FOXP1: variants seen among roughly 807,000 people sequenced by gnomAD.
FOXP1 encodes forkhead box P1, also known as forkhead box protein P1.
Under a neutral mutation model 98.2 loss-of-function variants are expected in FOXP1, and 15 were observed. The observed-to-expected ratio is 0.15, with a 90% confidence interval of 0.10 to 0.24. FOXP1 has a LOEUF of 0.24. Among genes scored for constraint, FOXP1 ranks in the 10% least tolerant of loss-of-function variants. FOXP1 has a pLI of 1.00. For missense variants in FOXP1, 633 were observed against 848.5 expected, an observed-to-expected ratio of 0.75 and a Z score of 3.15; for synonymous variants, 371 against 314.5, an observed-to-expected ratio of 1.18 and a Z score of -1.90.
chr3:71,248,568 C>G (rs1277035058), intron 5 of FOXP1, among the ~76,000 whole-genome samples: 1 of 152,042 alleles, frequency 6.6e-6, no homozygotes, highest in Non-Finnish European at 1.5e-5. Flanking sequence ...TGGTGAAACC[C>G]TGTCTCTACT....
chr3:71,210,247 G>A (rs1176713526), intron 5 of FOXP1, among the ~76,000 whole-genome samples: 2 of 152,006 alleles, frequency 1.3e-5, no homozygotes, highest in African/African-American at 4.8e-5. Context: ...TTGTTTCCAG[G>A]CCTTGCTTGA....
intron 7 of FOXP1, among the ~76,000 whole-genome samples, chr3:71,055,953 T>TTG (rs1266469529): frequency 1.3e-5 from 2 of 152,176 alleles, no homozygotes; most frequent in African/African-American, 4.8e-5. Flanking sequence ...AACATGAACT[T>TTG]AACAGAGTTA....
chr3:70,980,755 A>G (rs2038688784), intron 14 of FOXP1, among the ~76,000 whole-genome samples: 1 of 152,220 alleles, frequency 6.6e-6, no homozygotes, highest in Non-Finnish European at 1.5e-5. Context: ...TACTCCTACA[A>G]TGACAAAAAC....
At chr3:71,368,049 C>G (rs17717911) in intron 3 of FOXP1, among the ~76,000 whole-genome samples, 3 of 152,234 alleles carry the variant, frequency 2.0e-5, no homozygotes, top group African/African-American at 7.2e-5. Context: ...GCTGGACCCT[C>G]GACAAATTAC....
rs764369417 is a variant in FOXP1, at chr3:71,046,935, C to G, written c.664+7G>C. The G allele has an allele frequency of 6.2e-7, 1 of 1,613,862 alleles. No homozygotes were observed. The highest frequency in any genetic ancestry group is 1.7e-5 in the Admixed American group (1 of 59,990). ...AGAGCTATGCCTTCTGTAAAATCAA[C>G]GCATACCTTGAGCAAGAGGTTGAAG... On this transcript the variant is annotated splice_region_variant and intron_variant, in intron 10 of 20. Transcript: ENST00000649528.
intron 3 of FOXP1, among the ~76,000 whole-genome samples, chr3:71,396,993 T>TATAC (rs1269553423): frequency 5.7e-5 from 3 of 52,480 alleles, no homozygotes; most frequent in African/African-American, 1.9e-4. Flanking sequence ...TGTATATATA[T>TATAC]ACACATATAT....
At chr3:71,146,682 A>G (rs2060323786) in intron 6 of FOXP1, among the ~76,000 whole-genome samples, 1 of 150,376 alleles carries the variant, frequency 6.6e-6, no homozygotes, top group Admixed American at 6.6e-5. Context: ...AAATTCAGAT[A>G]CTTTTGAGTT....
chr3:71,293,486 A>G (rs2072976263), intron 5 of FOXP1, among the ~76,000 whole-genome samples: 1 of 152,106 alleles, frequency 6.6e-6, no homozygotes, highest in South Asian at 2.1e-4. Flanking sequence ...TCTTAAAAAA[A>G]AAAAAAAGAT....
chr3:71,365,772 C>T (rs2078882635), intron 3 of FOXP1, among the ~76,000 whole-genome samples: 1 of 152,180 alleles, frequency 6.6e-6, no homozygotes, highest in South Asian at 2.1e-4. Flanking sequence ...ATCACGAGGT[C>T]AAGAGATGGA....
intron 6 of FOXP1, among the ~76,000 whole-genome samples, chr3:71,152,608 T>A (rs13071208): frequency 6.6e-5 from 10 of 151,974 alleles, no homozygotes; most frequent in Non-Finnish European, 1.0e-4. Context: ...GACCTGCTCC[T>A]GTGCCCTAGG....
chr3:70,983,234 C>T (rs1002144623), intron 14 of FOXP1, among the ~76,000 whole-genome samples: 1 of 151,292 alleles, frequency 6.6e-6, no homozygotes, highest in African/African-American at 2.4e-5. Context: ...GGTGGTGGTA[C>T]TGGCAGGGAT....
At chr3:70,985,519 A>T (rs1388852119) in intron 14 of FOXP1, among the ~76,000 whole-genome samples, 2 of 152,122 alleles carry the variant, frequency 1.3e-5, no homozygotes, top group Non-Finnish European at 2.9e-5. Flanking sequence ...CTTTAATAAA[A>T]TTTTCTATTT....
intron 3 of FOXP1, among the ~76,000 whole-genome samples, chr3:71,428,500 T>C (rs922994620): frequency 1.3e-5 from 2 of 152,224 alleles, no homozygotes; most frequent in African/African-American, 4.8e-5. Flanking sequence ...CCCTTCGGGT[T>C]TGGAAAGCAA....
chr3:70,956,732 GTTTTTTTTTTTTTTTTTTTTTTTTTTT>G lies in FOXP1; in HGVS notation c.*2488_*2514del, dbSNP rs142956636. 3.4e-4 allele frequency: 11 copies of G among 32,814 alleles called. No individual in the cohort carries two copies. The highest frequency in any genetic ancestry group is 4.3e-4 in the Non-Finnish European group (7 of 16,446). 2.0% of individuals were successfully genotyped at this position (32,814 alleles called of 1,614,324 possible). ...GCACATCATGAAGCTGCCTGGAAAA[GTTTTTTTTTTTTTTTTTTTTTTTTTTT>G]TTTTTTTTTTTTTTAAAGTCTTGCG... is the stretch of plus-strand genomic sequence containing the variant. On this transcript the variant is annotated 3_prime_UTR_variant, in exon 21 of 21. Transcript: ENST00000649528.
intron 6 of FOXP1, among the ~76,000 whole-genome samples, chr3:71,150,547 G>A (rs190217201): frequency 3.9e-5 from 6 of 152,054 alleles, no homozygotes; most frequent in Admixed American, 3.9e-4. Flanking sequence ...TTTGATCTCT[G>A]TGAGTGAAAA....
At chr3:71,413,955 G>C (rs1273346212) in intron 3 of FOXP1, among the ~76,000 whole-genome samples, 1 of 152,012 alleles carries the variant, frequency 6.6e-6, no homozygotes, top group South Asian at 2.1e-4. Context: ...CCAAGGATGA[G>C]GGGAGGAATG....
intron 7 of FOXP1, among the ~76,000 whole-genome samples, chr3:71,071,174 G>T (rs958733107): frequency 6.6e-6 from 1 of 152,156 alleles, no homozygotes; most frequent in African/African-American, 2.4e-5. Flanking sequence ...AGAAAAAAAG[G>T]TTGTAAGGCC....
intron 17 of FOXP1, among the ~76,000 whole-genome samples, chr3:70,976,113 G>C (rs979629199): frequency 7.6e-5 from 11 of 145,340 alleles, no homozygotes; most frequent in African/African-American, 2.8e-4. Flanking sequence ...GCAGTGGCAT[G>C]AACAGGGCTC....
At chr3:71,504,763 C>T (rs2041680060) in intron 2 of FOXP1, among the ~76,000 whole-genome samples, 1 of 152,114 alleles carries the variant, frequency 6.6e-6, no homozygotes, top group Non-Finnish European at 1.5e-5. Flanking sequence ...ATTTCTGTTG[C>T]AAATATGAGA....
Sources: gnomAD v4.1 joint callset for allele counts (sites outside exome capture counted in the v4.1 genomes callset) on GRCh38, gnomAD v4.1.1 for gene constraint, MANE v1.5 for transcripts, NCBI Gene and HGNC (gene_info 2026-07-23, HGNC 2026-07-21) for gene names.